Variants in MUSK observed in about 807,000 individuals in gnomAD.
The protein encoded by MUSK is muscle associated receptor tyrosine kinase, also known as muscle, skeletal receptor tyrosine-protein kinase.
In MUSK, 55 loss-of-function variants were observed where a neutral mutation model predicts 88.7. That is an observed-to-expected ratio of 0.62 (90% CI 0.50 to 0.78). The LOEUF (loss-of-function observed/expected upper bound fraction) is 0.78. Among genes scored for constraint, MUSK ranks in the 30% least tolerant of loss-of-function variants. The pLI, the probability that MUSK is intolerant of heterozygous loss-of-function variation, is 0.00. For missense variants in MUSK, 1,015 were observed against 1,074.3 expected, an observed-to-expected ratio of 0.94 and a Z score of 0.77; for synonymous variants, 387 against 391.9, an observed-to-expected ratio of 0.99 and a Z score of 0.15.
intron 3 of MUSK, among the ~76,000 whole-genome samples, chr9:110,694,640 A>C (rs1042442620): frequency 6.6e-6 from 1 of 152,160 alleles, no homozygotes; most frequent in Non-Finnish European, 1.5e-5. Flanking sequence ...TCTGTAACGT[A>C]AAATTCCTAA....
intron 5 of MUSK, among the ~76,000 whole-genome samples, chr9:110,732,934 C>T (rs1042669635): frequency 1.3e-5 from 2 of 152,028 alleles, no homozygotes; most frequent in Non-Finnish European, 2.9e-5. Flanking sequence ...TTATGCAATG[C>T]TTTTTAAGAG....
At chr9:110,745,169 G>A (rs1317250539) in intron 6 of MUSK, among the ~76,000 whole-genome samples, 1 of 152,174 alleles carries the variant, frequency 6.6e-6, no homozygotes. Flanking sequence ...TGGTCTCTTT[G>A]CTGAACTATT....
At chr9:110,721,129 C>T (rs1394940431) in intron 5 of MUSK, among the ~76,000 whole-genome samples, 3 of 152,026 alleles carry the variant, frequency 2.0e-5, no homozygotes, top group Non-Finnish European at 2.9e-5. Flanking sequence ...CCACAGCCAA[C>T]GTTATACTGA....
At chr9:110,690,478 A>AAATATATATATT (rs2076330955) in intron 3 of MUSK, among the ~76,000 whole-genome samples, 5 of 83,276 alleles carry the variant, frequency 6.0e-5, no homozygotes, top group African/African-American at 1.1e-4. Context: ...AAGTATATAT[A>AAATATATATATT]TAAATATATA....
Position 110,738,412 on chromosome 9 carries a change from C to G in MUSK, c.753+4037C>G, listed in dbSNP as rs572765441. ...TTAAAAATATTCAGCAGAGCAAGTT[C>G]TTTTGCTACTATCTAAGCCTACCTT... On this transcript the variant is annotated intron_variant, in intron 6 of 14. Coordinates refer to ENST00000374448, the MANE Select transcript of MUSK (RefSeq NM_005592.4). Among the ~76,000 whole-genome samples, 181 of 152,210 alleles carry G rather than the reference C, an allele frequency of 1.2e-3. 1 individual carries two copies. The highest frequency in any genetic ancestry group is 0.01 in the Middle Eastern group (3 of 294).
intron 14 of MUSK, among the ~76,000 whole-genome samples, chr9:110,797,470 A>G (rs867871657): frequency 3.3e-5 from 5 of 152,140 alleles, no homozygotes; most frequent in Admixed American, 6.6e-5. Flanking sequence ...GTGAGTGATT[A>G]GCTGAAGTTG....
chr9:110,777,526 T>C (rs2131994025), intron 11 of MUSK, among the ~76,000 whole-genome samples: 1 of 152,218 alleles, frequency 6.6e-6, no homozygotes, highest in Middle Eastern at 3.4e-3. Context: ...AAATCTATTA[T>C]TCTGGTAGCC....
intron 5 of MUSK, among the ~76,000 whole-genome samples, chr9:110,700,943 A>G (rs1432548453): frequency 2.0e-5 from 3 of 152,210 alleles, no homozygotes; most frequent in South Asian, 4.1e-4. Context: ...AGGAAGACAG[A>G]ATGTCCTTGT....
intron 9 of MUSK, among the ~76,000 whole-genome samples, chr9:110,768,866 T>C (rs1454673920): frequency 6.6e-6 from 1 of 152,224 alleles, no homozygotes; most frequent in Non-Finnish European, 1.5e-5. Context: ...AATTAGATTA[T>C]AAATAGATAT....
At chr9:110,686,439 G>C (rs1434361128) in intron 2 of MUSK, among the ~76,000 whole-genome samples, 1 of 151,942 alleles carries the variant, frequency 6.6e-6, no homozygotes, top group East Asian at 1.9e-4. Flanking sequence ...CACGCATTTG[G>C]CATAAAAAAA....
intron 7 of MUSK, among the ~76,000 whole-genome samples, chr9:110,757,476 AAAAG>A (rs1253284775): frequency 2.0e-5 from 3 of 151,782 alleles, no homozygotes; most frequent in South Asian, 2.1e-4. Flanking sequence ...AAAAAAAAGA[AAAAG>A]AAAGAAAGAA....
chr9:110,710,793 T>C (rs1397912201), intron 5 of MUSK, among the ~76,000 whole-genome samples: 7 of 152,178 alleles, frequency 4.6e-5, no homozygotes, highest in African/African-American at 1.7e-4. Flanking sequence ...CCTGAGCTTA[T>C]ATCATATTTT....
chr9:110,690,291 T>TTTAAGTATAAATATAGAAATATATAC (rs1564219744), intron 3 of MUSK, among the ~76,000 whole-genome samples: 1 of 98,610 alleles, frequency 1.0e-5, no homozygotes, highest in Non-Finnish European at 1.7e-5. Context: ...TAAATATATA[T>TTTAAGTATAAATATAGAAATATATAC]AAATATATAT....
At chr9:110,697,702 T>A (rs1322353295) in intron 5 of MUSK, among the ~76,000 whole-genome samples, 2 of 152,200 alleles carry the variant, frequency 1.3e-5, no homozygotes. Flanking sequence ...TCACTGGTAA[T>A]TTTTACCAAA....
In MUSK at chr9:110,788,713, AC is replaced by A. The variant is rs201227457; in HGVS notation, c.1927+876del. 3.3e-3 allele frequency among the ~76,000 whole-genome samples: 493 copies of A among 150,972 alleles called. 1 individual carries two copies. Among genetic ancestry groups the A allele is most frequent in the South Asian group, 8.2e-3 (39 of 4,740 alleles). On this transcript the variant is annotated intron_variant, in intron 14 of 14. Coordinates refer to ENST00000374448, the MANE Select transcript of MUSK (RefSeq NM_005592.4). ...TGAGGAGACAGATAATAAAAAAAAA[AC>A]AAAAATATGGGATGCTGGATATTAA... is the stretch of plus-strand genomic sequence containing the variant.
chr9:110,764,352 C>G (rs753437912), intron 8 of MUSK, among the ~76,000 whole-genome samples: 3 of 152,174 alleles, frequency 2.0e-5, no homozygotes, highest in Non-Finnish European at 4.4e-5. Context: ...TTGCATTTAT[C>G]TCATTCCCCA....
intron 5 of MUSK, among the ~76,000 whole-genome samples, chr9:110,714,896 C>CTTCT (rs1229479588): frequency 7.3e-6 from 1 of 137,548 alleles, no homozygotes; most frequent in African/African-American, 3.3e-5. Context: ...TATTTAAGAG[C>CTTCT]AGATTCAAAT....
chr9:110,733,768 C>A (rs1362215691), intron 5 of MUSK, among the ~76,000 whole-genome samples: 1 of 151,768 alleles, frequency 6.6e-6, no homozygotes, highest in Non-Finnish European at 1.5e-5. Context: ...TGGCTTCAAA[C>A]AATCTAATGG....
chr9:110,771,416 C>T (rs1374770374), intron 9 of MUSK, among the ~76,000 whole-genome samples: 1 of 152,000 alleles, frequency 6.6e-6, no homozygotes, highest in Non-Finnish European at 1.5e-5. Flanking sequence ...TAATCAACTT[C>T]CCATTATCTC....
Sources: gnomAD v4.1 joint callset for allele counts (sites outside exome capture counted in the v4.1 genomes callset) on GRCh38, gnomAD v4.1.1 for gene constraint, MANE v1.5 for transcripts, NCBI Gene and HGNC (gene_info 2026-07-23, HGNC 2026-07-21) for gene names.